Variants in PAQR3 observed in about 807,000 individuals in gnomAD.
PAQR3 encodes the protein progestin and adipoQ receptor family member 3.
PAQR3 carries 39 observed loss-of-function variants against 41.7 expected under a neutral mutation model. The observed-to-expected ratio is 0.93, with a 90% CI of 0.72 to 1.22. The LOEUF (loss-of-function observed/expected upper bound fraction) is 1.22, where lower values mean the gene tolerates loss of function less well. Ranked by LOEUF, PAQR3 falls within the 50% of genes most tolerant of loss-of-function variation. The pLI, the probability that PAQR3 is intolerant of heterozygous loss-of-function variation, is 0.00. For missense variants in PAQR3, 366 were observed against 385.6 expected (o/e 0.95, Z 0.42); for synonymous variants, 140 against 140.6 (o/e 1.00, Z 0.03).
At chr4:78,890,203 C>T (rs1372374238) in intron 11 of PAQR3, among the ~76,000 whole-genome samples, 1 of 151,908 alleles carries the variant, frequency 6.6e-6, no homozygotes, top group Non-Finnish European at 1.5e-5. Flanking sequence ...TTTCCTGTTC[C>T]CTCCCAGTCC....
In PAQR3 at chr4:78,919,789, A is replaced by G. The variant is rs1560569956; in HGVS notation, c.*750T>C. The G allele has an allele frequency of 1.0e-6, 1 of 983,502 alleles. No individual in the cohort carries two copies. The highest frequency in any genetic ancestry group is 1.2e-6 in the Non-Finnish European group (1 of 828,338). The allele number at this position is 983,502 out of a possible 1,614,324, so 60.9% of individuals were successfully genotyped here. A position where few individuals can be genotyped will look rare whatever the true frequency, so the allele number is the denominator to read the frequency against. On this transcript the variant is annotated 3_prime_UTR_variant, in exon 6 of 6. Coordinates refer to ENST00000512733, the MANE Select transcript of PAQR3 (RefSeq NM_001040202.2). ...ATGGAATTAAATAATATCTGGAATT[A>G]AAATGTTTAGGTGGCTAATGACTAT...
chr4:78,911,712 G>A (rs1446898817), downstream of PAQR3: 1 of 1,613,882 alleles, frequency 6.2e-7, no homozygotes. Flanking sequence ...GGAAAGATAG[G>A]GGGAATGTCT....
chr4:78,935,345 G>A (rs533171821), intron 1 of PAQR3, 62 bp from the exon 2 acceptor site: 1 of 1,475,226 alleles, frequency 6.8e-7, no homozygotes, highest in South Asian at 1.3e-5. Context: ...CACGTTCAAA[G>A]GTTAGGGACA....
At chr4:78,932,228 A>T (rs1433820026) in intron 2 of PAQR3, among the ~76,000 whole-genome samples, 7 of 152,212 alleles carry the variant, frequency 4.6e-5, no homozygotes, top group Non-Finnish European at 7.3e-5. Flanking sequence ...AATCCTTAAT[A>T]GTCTATAGCT....
downstream of PAQR3, chr4:78,911,266 G>T (rs1734580253): frequency 1.2e-6 from 2 of 1,613,874 alleles, no homozygotes; most frequent in African/African-American, 1.3e-5. Context: ...TAGCAAGAAG[G>T]TGAATGTACA....
intron 11 of PAQR3, among the ~76,000 whole-genome samples, chr4:78,903,002 G>A (rs1734089533): frequency 6.6e-6 from 1 of 151,722 alleles, no homozygotes; most frequent in African/African-American, 2.4e-5. Flanking sequence ...AAGAAATGTT[G>A]TTTTAGGCAT....
At chr4:78,909,318 G>T (rs1734454205), downstream of PAQR3, among the ~76,000 whole-genome samples, 1 of 151,900 alleles carries the variant, frequency 6.6e-6, no homozygotes, top group Non-Finnish European at 1.5e-5. Context: ...TTACAGGGGT[G>T]AGCCACCGCA....
chr4:78,894,789 T>C (rs1733619861), intron 11 of PAQR3, among the ~76,000 whole-genome samples: 1 of 152,230 alleles, frequency 6.6e-6, no homozygotes, highest in Non-Finnish European at 1.5e-5. Flanking sequence ...TGCTTTCCTC[T>C]CTAAGCTTAG....
At chr4:78,907,041 AGTGCATGAATCATG>A (rs1734321467), downstream of PAQR3, among the ~76,000 whole-genome samples, 1 of 152,180 alleles carries the variant, frequency 6.6e-6, no homozygotes, top group Admixed American at 6.6e-5. Context: ...TGAAGGAAAA[AGTGCATGAATCATG>A]GTTGTATCTA....
chr4:78,903,834 G>T (rs1734143239), intron 11 of PAQR3, among the ~76,000 whole-genome samples: 1 of 151,858 alleles, frequency 6.6e-6, no homozygotes, highest in Admixed American at 6.6e-5. Flanking sequence ...TTTGTATTTT[G>T]TAGTGTGTTG....
chr4:78,916,087 C>A lies in PAQR3; in HGVS notation c.*4452G>T, dbSNP rs1735035378. 1 of 151,808 alleles carries A rather than the reference C, an allele frequency of 6.6e-6. No homozygotes were observed. Among genetic ancestry groups the A allele is most frequent in the African/African-American group, 2.4e-5 (1 of 41,412 alleles). The allele number at this position is 151,808 out of a possible 1,614,324, so 9.4% of individuals were successfully genotyped here. On this transcript the variant is annotated 3_prime_UTR_variant, in exon 6 of 6. Coordinates refer to ENST00000512733, the MANE Select transcript of PAQR3 (RefSeq NM_001040202.2). ...TTCTACTTGTTACAAAACATACTTGCTAAAGTAACTTCAGTCCTCAAATAT... is the reference window on the plus strand; with the variant it reads ...TTCTACTTGTTACAAAACATACTTGATAAAGTAACTTCAGTCCTCAAATAT...
At chr4:78,924,011 G>T in intron 4 of PAQR3, 64 bp from the exon 5 acceptor site, 1 of 1,159,078 alleles carries the variant, frequency 8.6e-7, no homozygotes, top group Non-Finnish European at 1.3e-6. Flanking sequence ...AATTTATTAT[G>T]AATCTAATAG....
intron 11 of PAQR3, among the ~76,000 whole-genome samples, chr4:78,902,983 A>T (rs879568612): frequency 7.2e-5 from 11 of 152,124 alleles, no homozygotes; most frequent in Non-Finnish European, 1.6e-4. Flanking sequence ...ATATATGAAA[A>T]TGTAGCCTAA....
chr4:78,897,999 T>C (rs1733793564), intron 11 of PAQR3, among the ~76,000 whole-genome samples: 2 of 152,098 alleles, frequency 1.3e-5, no homozygotes, highest in South Asian at 2.1e-4. Context: ...TGAGTTGGGA[T>C]TGGGAAATGA....
rs191856782 is a variant in PAQR3 at position 78,888,278 on chromosome 4, C to T, written c.*837-130G>A. The T allele has an allele frequency of 7.4e-4, 112 of 152,328 alleles. 1 individual carries two copies. The highest frequency in any genetic ancestry group is 2.5e-3 in the African/African-American group (104 of 41,574). The allele number at this position is 152,328 out of a possible 1,614,324, so 9.4% of individuals were successfully genotyped here. A position where few individuals can be genotyped will look rare whatever the true frequency, so the allele number is the denominator to read the frequency against. On this transcript the variant is annotated intron_variant and NMD_transcript_variant, in intron 11 of 12. Transcript: ENST00000342820. ...TTCAAGTTTTCTTTTTCATAAATGA[C>T]ATAATTAACTGGGGAACATAGCTTA...
At chr4:78,923,312 C>T (rs1166097833) in intron 5 of PAQR3, among the ~76,000 whole-genome samples, 2 of 151,604 alleles carry the variant, frequency 1.3e-5, no homozygotes, top group Non-Finnish European at 2.9e-5. Context: ...TGATCCTACA[C>T]CTCACTTCTT....
At chr4:78,908,774 G>A (rs1158051732), downstream of PAQR3, among the ~76,000 whole-genome samples, 1 of 152,070 alleles carries the variant, frequency 6.6e-6, no homozygotes, top group Non-Finnish European at 1.5e-5. Context: ...AAATTTGTGT[G>A]TGGGTACATA....
chr4:78,889,220 CAA>C (rs71661191), intron 11 of PAQR3, among the ~76,000 whole-genome samples: 87 of 53,698 alleles, frequency 1.6e-3, no homozygotes, highest in African/African-American at 5.1e-3. Flanking sequence ...GACTCTGTCT[CAA>C]AAAAAAAAAA....
intron 2 of PAQR3, among the ~76,000 whole-genome samples, chr4:78,934,024 A>C (rs1433217104): frequency 1.3e-5 from 2 of 152,224 alleles, no homozygotes; most frequent in Middle Eastern, 3.2e-3. Flanking sequence ...TTTCCATTAT[A>C]AAATTGGTTA....
Sources: gnomAD v4.1 joint callset for allele counts (sites outside exome capture counted in the v4.1 genomes callset) on GRCh38, gnomAD v4.1.1 for gene constraint, MANE v1.5 for transcripts, NCBI Gene and HGNC (gene_info 2026-07-23, HGNC 2026-07-21) for gene names.